The following ZNF562 variants were observed in gnomAD, a reference collection of about 807,000 sequenced individuals.
The protein encoded by ZNF562 is zinc finger protein 562.
ZNF562 carries 13 observed loss-of-function variants against 17.5 expected under a neutral mutation model. The observed-to-expected ratio is 0.74, with a 90% CI of 0.48 to 1.18. The LOEUF (loss-of-function observed/expected upper bound fraction) is 1.18. ZNF562 is among the 50% of genes most tolerant of loss of function. ZNF562 has a pLI of 0.00. For synonymous variants in ZNF562, 163 were observed against 165.4 expected (o/e 0.99, Z 0.11); for missense variants, 481 against 498.5 (o/e 0.96, Z 0.33).
intron 1 of ZNF562, 78 bp downstream of exon 1, chr19:9,674,937 G>C (rs527357997): frequency 6.6e-6 from 1 of 152,538 alleles, no homozygotes; most frequent in Admixed American, 6.5e-5. Context: ...GATCTGAGAG[G>C]CTCCTGGGCG....
At chr19:9,656,723 G>A (rs2043498605) in intron 4 of ZNF562, 70 bp from the exon 5 acceptor site, 1 of 1,509,876 alleles carries the variant, frequency 6.6e-7, no homozygotes, top group Non-Finnish European at 9.1e-7. Flanking sequence ...ATTAAACACA[G>A]TATGAAAATA....
At position 9,649,030 on chromosome 19, in the gene ZNF562, A is replaced by T. The variant is rs2074832719; in HGVS notation, c.*3919T>A. The T allele has an allele frequency of 6.6e-6, 1 of 152,296 alleles. No homozygotes were observed. The highest frequency in any genetic ancestry group is 2.0e-4 in the South Asian group (1 of 4,900). The allele number at this position is 152,296 out of a possible 1,614,324, so 9.4% of individuals were successfully genotyped here. A position where few individuals can be genotyped will look rare whatever the true frequency, so the allele number is the denominator to read the frequency against. ...GAAGTCAGGGACCCCAAACGGGGGGACTGGCTGAAGCCATGGCAGAAAAAC... is the reference window on the plus strand; with the variant it reads ...GAAGTCAGGGACCCCAAACGGGGGGTCTGGCTGAAGCCATGGCAGAAAAAC... On this transcript the variant is annotated 3_prime_UTR_variant, in exon 6 of 6. Coordinates refer to ENST00000453372, the MANE Select transcript of ZNF562 (RefSeq NM_001130031.2).
At chr19:9,665,057 A>G (rs964407341) in intron 1 of ZNF562, among the ~76,000 whole-genome samples, 1 of 151,706 alleles carries the variant, frequency 6.6e-6, no homozygotes, top group Admixed American at 6.6e-5. Context: ...CCCTGTCTCT[A>G]CTGAAAATAC....
At chr19:9,659,980 T>TAAA (rs2043672796) in intron 2 of ZNF562, among the ~76,000 whole-genome samples, 1 of 64,522 alleles carries the variant, frequency 1.5e-5, no homozygotes, top group Non-Finnish European at 2.8e-5. Flanking sequence ...AAAAAAAAAC[T>TAAA]ACAGGAGGCT....
In ZNF562 at chr19:9,666,272, G is replaced by A. The variant is rs113950425; in HGVS notation, c.-130-5398C>T. On this transcript the variant is annotated intron_variant, in intron 1 of 5. Transcript: ENST00000453372. ...CGGGAAGCAGAGGTTGTGGTGAGCC[G>A]AGATCGCACTATTGCACTCCAGCCT... 1.9e-3 allele frequency among the ~76,000 whole-genome samples: 280 copies of A among 148,706 alleles called. 1 individual carries two copies. The highest frequency in any genetic ancestry group is 3.1e-3 in the Non-Finnish European group (210 of 67,516).
intron 1 of ZNF562, chr19:9,674,548 A>G (rs1237376881): frequency 6.6e-6 from 1 of 152,034 alleles, no homozygotes; most frequent in Admixed American, 6.6e-5. Flanking sequence ...CATCAAGACA[A>G]CGCCAGATTC....
chr19:9,656,631 T>C lies in ZNF562; in HGVS notation c.264A>G (p.Ser88=), dbSNP rs1411972813. 2.5e-6 allele frequency: 4 copies of C among 1,614,072 alleles called. No homozygotes were observed. The highest frequency in any genetic ancestry group is 1.3e-5 in the African/African-American group (1 of 75,050). The part of the protein sequence containing the change: ...ASVDFFFCLT[S]EWEIQPRTKR... ...TGGTTCTAGGTTGTATTTCCCATTCTGAAGTTAAGCAGAAAAAGAAATCTA... is the reference window on the plus strand; with the variant it reads ...TGGTTCTAGGTTGTATTTCCCATTCCGAAGTTAAGCAGAAAAAGAAATCTA... Residue 88 remains serine (S), a synonymous_variant, in exon 5 of 6, where the codon TCA becomes TCG. Transcript: ENST00000453372.
At position 9,660,892 on chromosome 19, in the gene ZNF562, C is replaced by A; in HGVS notation, c.-130-18G>T. ...CTGAGGCCCTGTTCATACCAATCAC[C>A]AAACAACAAGCATCAAACATCAGTC... On this transcript the variant is annotated intron_variant, in intron 1 of 5. Coordinates refer to ENST00000453372, the MANE Select transcript of ZNF562 (RefSeq NM_001130031.2). 1.6e-6 allele frequency: 1 copy of A among 632,536 alleles called. No homozygotes were observed. Among genetic ancestry groups the A allele is most frequent in the Non-Finnish European group, 2.6e-6 (1 of 380,474 alleles). The allele number at this position is 632,536 out of a possible 1,614,324, so 39.2% of individuals were successfully genotyped here.
rs912126949 is a variant in ZNF562, at chr19:9,644,432, A to G, written c.*8517T>C. The G allele has an allele frequency of 1.3e-5, 2 of 152,094 alleles. No homozygotes were observed. The highest frequency in any genetic ancestry group is 1.3e-4 in the Admixed American group (2 of 15,262). The allele number at this position is 152,094 out of a possible 1,614,324, so 9.4% of individuals were successfully genotyped here. Reference sequence around the variant, plus strand: ...GGAGTGAGATACCTTCTCTACCAAAATAAAAAAGTGTGAGTTTAGGTGCTG... The same window carrying G: ...GGAGTGAGATACCTTCTCTACCAAAGTAAAAAAGTGTGAGTTTAGGTGCTG... On this transcript the variant is annotated 3_prime_UTR_variant, in exon 6 of 6. Transcript: ENST00000453372.
intron 2 of ZNF562, among the ~76,000 whole-genome samples, chr19:9,659,860 G>A (rs1471275181): frequency 4.3e-5 from 6 of 139,382 alleles, no homozygotes; most frequent in Non-Finnish European, 7.5e-5. Flanking sequence ...GGGAGGCCAA[G>A]GTGGGCAAAT....
chr19:9,648,068 A>G lies in ZNF562; in HGVS notation c.*4881T>C, dbSNP rs570793084. The G allele has an allele frequency of 3.3e-5, 5 of 152,258 alleles. No homozygotes were observed. Among genetic ancestry groups the G allele is most frequent in the African/African-American group, 1.2e-4 (5 of 41,554 alleles). 9.4% of individuals were successfully genotyped at this position (152,258 alleles called of 1,614,324 possible). A position where few individuals can be genotyped will look rare whatever the true frequency, so the allele number is the denominator to read the frequency against. On this transcript the variant is annotated 3_prime_UTR_variant, in exon 6 of 6. Coordinates refer to ENST00000453372, the MANE Select transcript of ZNF562 (RefSeq NM_001130031.2). ...CCTAGATGACTCTTATAGATTAAGA[A>G]TTTAGAAATAGTAGGAACATGCCCC...
intron 1 of ZNF562, among the ~76,000 whole-genome samples, chr19:9,664,585 T>G (rs2043875856): frequency 6.6e-6 from 1 of 152,226 alleles, no homozygotes; most frequent in African/African-American, 2.4e-5. Context: ...CTTGCACGGT[T>G]TGGCTTATGG....
In ZNF562 at chr19:9,648,008, G is replaced by A. The variant is rs570235912; in HGVS notation, c.*4941C>T. On this transcript the variant is annotated 3_prime_UTR_variant, in exon 6 of 6. Coordinates refer to ENST00000453372, the MANE Select transcript of ZNF562 (RefSeq NM_001130031.2). Reference sequence around the variant, plus strand: ...GATCTTTTTGCCTCAGCCTCCAAAAGTGCTGGGATTACAGGCCTGAGCCAC... The same window carrying A: ...GATCTTTTTGCCTCAGCCTCCAAAAATGCTGGGATTACAGGCCTGAGCCAC... 1 of 152,268 alleles carries A rather than the reference G, an allele frequency of 6.6e-6. No individual in the cohort carries two copies. The highest frequency in any genetic ancestry group is 1.5e-5 in the Non-Finnish European group (1 of 68,030). 9.4% of individuals were successfully genotyped at this position (152,268 alleles called of 1,614,324 possible). A position where few individuals can be genotyped will look rare whatever the true frequency, so the allele number is the denominator to read the frequency against.
At chr19:9,664,692 C>A (rs945072790) in intron 1 of ZNF562, among the ~76,000 whole-genome samples, 2 of 152,186 alleles carry the variant, frequency 1.3e-5, no homozygotes, top group African/African-American at 4.8e-5. Flanking sequence ...ATAATCCCAG[C>A]ACTTTGGGAG....
rs916969890 is a variant in ZNF562 at position 9,651,064 on chromosome 19, G to C, written c.*1885C>G. ...CTGCGGTATTCTCTTATGGTTGTCT[G>C]AGCTGACTAAGGCAGATATTGGTAC... On this transcript the variant is annotated 3_prime_UTR_variant, in exon 6 of 6. Transcript: ENST00000453372. 6.6e-6 allele frequency: 1 copy of C among 151,282 alleles called. No individual in the cohort carries two copies. Among genetic ancestry groups the C allele is most frequent in the Middle Eastern group, 3.4e-3 (1 of 290 alleles). The allele number at this position is 151,282 out of a possible 1,614,324, so 9.4% of individuals were successfully genotyped here.
rs2074864696 is a variant in ZNF562, at chr19:9,651,349, G to A, written c.*1600C>T. ...GCATTTTACGGAAGGTAGAGCTTGAGACAGATAAAATGGTATGTATCACTA... is the reference window on the plus strand; with the variant it reads ...GCATTTTACGGAAGGTAGAGCTTGAAACAGATAAAATGGTATGTATCACTA... On this transcript the variant is annotated 3_prime_UTR_variant, in exon 6 of 6. Transcript: ENST00000453372. The A allele has an allele frequency of 6.6e-6, 1 of 152,166 alleles. No homozygotes were observed. Among genetic ancestry groups the A allele is most frequent in the Non-Finnish European group, 1.5e-5 (1 of 68,022 alleles). 9.4% of individuals were successfully genotyped at this position (152,166 alleles called of 1,614,324 possible).
Position 9,655,717 on chromosome 19 carries a change from C to CTTTTTTTT in ZNF562, c.348+822_348+829dup, listed in dbSNP as rs58199071. On this transcript the variant is annotated intron_variant, in intron 5 of 5. Transcript: ENST00000453372. Reference sequence around the variant, plus strand: ...TTACAGGATTCACTTTCTTTTCTTTCTTTTTTTTTTTTTTTTTTTTTTTTT... The same window carrying CTTTTTTTT: ...TTACAGGATTCACTTTCTTTTCTTTCTTTTTTTTTTTTTTTTTTTTTTTTTTTTTTTTT... Among the ~76,000 whole-genome samples, 70 of 48,690 alleles carry CTTTTTTTT rather than the reference C, an allele frequency of 1.4e-3. 1 individual carries two copies. Among genetic ancestry groups the CTTTTTTTT allele is most frequent in the East Asian group, 1.8e-3 (2 of 1,092 alleles). The allele number at this position is 48,690 out of a possible 152,430, so 31.9% of individuals were successfully genotyped here. A position where few individuals can be genotyped will look rare whatever the true frequency, so the allele number is the denominator to read the frequency against.
rs1229107579 is a variant in ZNF562 at position 9,652,146 on chromosome 19, A to G, written c.*803T>C. 1 of 152,242 alleles carries G rather than the reference A, an allele frequency of 6.6e-6. No individual in the cohort carries two copies. The highest frequency in any genetic ancestry group is 1.5e-5 in the Non-Finnish European group (1 of 68,048). 9.4% of individuals were successfully genotyped at this position (152,242 alleles called of 1,614,324 possible). A position where few individuals can be genotyped will look rare whatever the true frequency, so the allele number is the denominator to read the frequency against. On this transcript the variant is annotated 3_prime_UTR_variant, in exon 6 of 6. Coordinates refer to ENST00000453372, the MANE Select transcript of ZNF562 (RefSeq NM_001130031.2). ...TATCAGCCATCTTAACAGAAGTGAGAAGAGAGACTGGATTATACTATAAGA... is the reference window on the plus strand; with the variant it reads ...TATCAGCCATCTTAACAGAAGTGAGGAGAGAGACTGGATTATACTATAAGA...
rs551404873 is a variant in ZNF562, at chr19:9,645,151, G to C, written c.*7798C>G. ...TAACCTCCACCTCCCAGGTTGAAGT[G>C]ATTCTCCCATCTCAGCCCCCAAGTA... On this transcript the variant is annotated 3_prime_UTR_variant, in exon 6 of 6. Coordinates refer to ENST00000453372, the MANE Select transcript of ZNF562 (RefSeq NM_001130031.2). The C allele has an allele frequency of 6.6e-6, 1 of 151,958 alleles. No homozygotes were observed. The highest frequency in any genetic ancestry group is 2.1e-4 in the South Asian group (1 of 4,810). 9.4% of individuals were successfully genotyped at this position (151,958 alleles called of 1,614,324 possible). A position where few individuals can be genotyped will look rare whatever the true frequency, so the allele number is the denominator to read the frequency against.
Sources: allele counts gnomAD v4.1 joint callset (sites outside exome capture counted in the v4.1 genomes callset), GRCh38; gene constraint gnomAD v4.1.1; transcripts MANE v1.5; gene names NCBI Gene and HGNC (gene_info 2026-07-23, HGNC 2026-07-21).